NAPA: variants seen among roughly 807,000 people sequenced by gnomAD.
The protein encoded by NAPA is NSF attachment protein alpha.
NAPA carries 18 observed loss-of-function variants against 48.0 expected under a neutral mutation model. The observed-to-expected ratio is 0.38, with a 90% CI of 0.26 to 0.56. The LOEUF (loss-of-function observed/expected upper bound fraction) is 0.56, where lower values mean the gene tolerates loss of function less well. NAPA is among the 20% of genes least tolerant of loss of function. NAPA has a pLI of 0.77. For missense variants in NAPA, 315 were observed against 385.0 expected (o/e 0.82, Z 1.52); for synonymous variants, 152 against 149.9 (o/e 1.01, Z -0.10).
chr19:47,500,628 C>T lies in NAPA; in HGVS notation c.295+5G>A. On this transcript the variant is annotated splice_donor_5th_base_variant and intron_variant, in intron 3 of 10. Coordinates refer to ENST00000263354, the MANE Select transcript of NAPA (RefSeq NM_003827.4). The stretch of plus-strand genomic sequence containing the variant: ...CCAGCCCGTGTGGCCCGCAGAGGCC[C>T]TCACCTTGGGGGTCGGCTTTCTTGA... The T allele has an allele frequency of 6.2e-7, 1 of 1,603,444 alleles. No homozygotes were observed. The highest frequency in any genetic ancestry group is 1.1e-5 in the South Asian group (1 of 89,492).
intron 1 of NAPA, among the ~76,000 whole-genome samples, chr19:47,511,578 G>A (rs1039380789): frequency 6.6e-6 from 1 of 152,216 alleles, no homozygotes; most frequent in African/African-American, 2.4e-5. Flanking sequence ...GCCCAGAGAT[G>A]GTCATGAACC....
rs1968329724 is a variant in NAPA at position 47,493,278 on chromosome 19, G to T, written c.421-104C>A. 3 of 1,485,730 alleles carry T rather than the reference G, an allele frequency of 2.0e-6. No homozygotes were observed. The African/African-American group carries it at 4.1e-5, about 20-fold the overall frequency. 92.0% of individuals were successfully genotyped at this position (1,485,730 alleles called of 1,614,324 possible). The stretch of plus-strand genomic sequence containing the variant: ...GCCCTGCCTGCCTGGGACACAGCCA[G>T]ACCCCATTCTCCAAGCTCTGCCGGC... On this transcript the variant is annotated intron_variant, in intron 5 of 10. Coordinates refer to ENST00000263354, the MANE Select transcript of NAPA (RefSeq NM_003827.4). The surrounding 1 kb of genome is among the most constrained non-coding windows in gnomAD (Gnocchi z 6.4).
intron 1 of NAPA, among the ~76,000 whole-genome samples, chr19:47,509,261 G>C (rs756785122): frequency 1.0e-4 from 15 of 148,246 alleles, no homozygotes; most frequent in Non-Finnish European, 1.6e-4. Flanking sequence ...CCCAGGAATG[G>C]GAATTCTAGA....
intron 9 of NAPA, 137 bp downstream of exon 9, chr19:47,490,651 A>AAAACAAAACAAAACG (rs1968239397): frequency 1.4e-6 from 1 of 698,814 alleles, no homozygotes; most frequent in Admixed American, 3.1e-5. Flanking sequence ...ATGGCCAAAC[A>AAAACAAAACAAAACG]AAACAAAACA....
intron 10 of NAPA, 93 bp from the exon 11 acceptor site, chr19:47,488,482 C>A: frequency 1.0e-6 from 1 of 956,348 alleles, no homozygotes; most frequent in Non-Finnish European, 1.6e-6. Flanking sequence ...CAAGATCTGT[C>A]TCTGTCACCC....
rs750237140 is a variant in NAPA, at chr19:47,489,740, C to G, written c.757G>C (p.Glu253Gln). The change falls in exon 10 of 11, where the codon GAG (glutamate) becomes CAG (glutamine). Residue 253 changes from glutamate (E) to glutamine (Q), a missense_variant. Physicochemically the swap from Glu to Gln is conservative, Grantham distance 29. Around this residue, in one of 3 missense-constraint regions of NAPA, gnomAD observed 137 missense variants for 150.1 expected, o/e 0.91. Coordinates refer to ENST00000263354, the MANE Select transcript of NAPA (RefSeq NM_003827.4). ...TCGGTGTAGCTGTCCACATTCTGCTCCTCGTGGGCCTCTAGCAATTTCTGC... is the reference window on the plus strand; with the variant it reads ...TCGGTGTAGCTGTCCACATTCTGCTGCTCGTGGGCCTCTAGCAATTTCTGC... ...LMKKLLEAHE[E>Q]QNVDSYTESV... 5 of 1,613,978 alleles carry G rather than the reference C, an allele frequency of 3.1e-6. No homozygotes were observed. Among genetic ancestry groups the G allele is most frequent in the Non-Finnish European group, 4.2e-6 (5 of 1,180,012 alleles).
downstream of NAPA, among the ~76,000 whole-genome samples, chr19:47,485,640 T>C (rs148812912): frequency 6.6e-6 from 1 of 152,110 alleles, no homozygotes; most frequent in Non-Finnish European, 1.5e-5. Flanking sequence ...ATTCAGAAAA[T>C]ATGTGTCAAA....
At chr19:47,501,635 A>T (rs1968579170) in intron 2 of NAPA, 1 of 152,250 alleles carries the variant, frequency 6.6e-6, no homozygotes, top group African/African-American at 2.4e-5. Flanking sequence ...CCGTGCCTGA[A>T]GCCTCATCCA....
chr19:47,497,009 TGAG>T (rs1968443618), intron 3 of NAPA: 1 of 325,202 alleles, frequency 3.1e-6, no homozygotes, highest in Admixed American at 3.5e-5. Flanking sequence ...AGGGGGCAGA[TGAG>T]GAGGAAGGGG....
At chr19:47,499,395 CG>C (rs1968515331) in intron 3 of NAPA, among the ~76,000 whole-genome samples, 1 of 152,202 alleles carries the variant, frequency 6.6e-6, no homozygotes, top group Admixed American at 6.5e-5. Context: ...AAAGGCTTGG[CG>C]GGGCAGTTTA....
At chr19:47,514,605 C>T (rs920254563) in intron 1 of NAPA, among the ~76,000 whole-genome samples, 1 of 152,170 alleles carries the variant, frequency 6.6e-6, no homozygotes, top group Non-Finnish European at 1.5e-5. Flanking sequence ...GTCCGTGTGT[C>T]CTCAGCCCAA....
intron 2 of NAPA, among the ~76,000 whole-genome samples, chr19:47,502,333 G>A (rs1433207589): frequency 2.0e-5 from 3 of 151,610 alleles, no homozygotes; most frequent in Non-Finnish European, 2.9e-5. Flanking sequence ...GAGTTTGGGG[G>A]CAGAGGTAAC....
In NAPA at chr19:47,493,224, G is replaced by A; in HGVS notation, c.421-50C>T. 1 of 1,548,218 alleles carries A rather than the reference G, an allele frequency of 6.5e-7. No homozygotes were observed. The highest frequency in any genetic ancestry group is 8.8e-7 in the Non-Finnish European group (1 of 1,139,016). The stretch of plus-strand genomic sequence containing the variant: ...CCAGGGGAGGGCAGGGAAGGGAGAG[G>A]AGGCCTCCGTGAAGCTTCCACACCC... On this transcript the variant is annotated intron_variant, in intron 5 of 10. Coordinates refer to ENST00000263354, the MANE Select transcript of NAPA (RefSeq NM_003827.4). This position sits in a 1 kb window ranked among gnomAD's most constrained non-coding sequence, Gnocchi z 6.4.
At position 47,489,752 on chromosome 19, in the gene NAPA, C is replaced by G; in HGVS notation, c.745G>C (p.Glu249Gln). Residue 249 changes from glutamate (E) to glutamine (Q), a missense_variant, in exon 10 of 11, where the codon GAG (glutamate) becomes CAG (glutamine). Transcript: ENST00000263354. ...RECKLMKKLL[E>Q]AHEEQNVDSY... ...TCCACATTCTGCTCCTCGTGGGCCT[C>G]TAGCAATTTCTGCAAGCAAATGGCA... is the stretch of plus-strand genomic sequence containing the variant. 1 of 1,614,060 alleles carries G rather than the reference C, an allele frequency of 6.2e-7. No homozygotes were observed. The highest frequency in any genetic ancestry group is 1.1e-5 in the South Asian group (1 of 91,074).
At chr19:47,503,545 T>C (rs1445307013) in intron 1 of NAPA, 43 bp from the exon 2 acceptor site, 1 of 1,582,328 alleles carries the variant, frequency 6.3e-7, no homozygotes, top group Non-Finnish European at 8.7e-7. Context: ...TCTAGTCGGC[T>C]ATCCAGGAGA....
chr19:47,504,987 T>C (rs1329283501), intron 1 of NAPA, among the ~76,000 whole-genome samples: 6 of 152,234 alleles, frequency 3.9e-5, no homozygotes, highest in Non-Finnish European at 8.8e-5. Flanking sequence ...CTCTGGCTTC[T>C]TGACCTCCAC....
chr19:47,500,619 G>A lies in NAPA; in HGVS notation c.295+14C>T, dbSNP rs372312264. ...TCCGGACAGCCAGCCCGTGTGGCCCGCAGAGGCCCTCACCTTGGGGGTCGG... is the reference window on the plus strand; with the variant it reads ...TCCGGACAGCCAGCCCGTGTGGCCCACAGAGGCCCTCACCTTGGGGGTCGG... On this transcript the variant is annotated intron_variant, in intron 3 of 10. Coordinates refer to ENST00000263354, the MANE Select transcript of NAPA (RefSeq NM_003827.4). 344 of 1,593,010 alleles carry A rather than the reference G, an allele frequency of 2.2e-4. 1 individual carries two copies. The highest frequency in any genetic ancestry group is 2.6e-4 in the Non-Finnish European group (306 of 1,168,574).
At chr19:47,498,204 T>C (rs1430901075) in intron 3 of NAPA, among the ~76,000 whole-genome samples, 1 of 152,172 alleles carries the variant, frequency 6.6e-6, no homozygotes, top group Admixed American at 6.5e-5. Context: ...GACAGAGGCC[T>C]TCTAGGCTGC....
chr19:47,491,100 A>G (rs1968253978), intron 8 of NAPA: 1 of 442,440 alleles, frequency 2.3e-6, no homozygotes, highest in African/African-American at 2.0e-5. Context: ...TTCCCCAGAT[A>G]GGCACCCACT....
Sources: allele counts gnomAD v4.1 joint callset (sites outside exome capture counted in the v4.1 genomes callset), GRCh38; gene constraint gnomAD v4.1.1; regional missense constraint gnomAD v4.1.1; non-coding constraint Gnocchi (gnomAD v3.1); transcripts MANE v1.5; gene names NCBI Gene and HGNC (gene_info 2026-07-23, HGNC 2026-07-21).